Variants in PCSK5 observed in about 807,000 individuals in gnomAD.
The protein encoded by PCSK5 is prohormone convertase 5.
A neutral mutation model predicts 233.2 loss-of-function variants in PCSK5; 129 were observed. That is an observed-to-expected ratio of 0.55 (90% confidence interval 0.48 to 0.64). PCSK5 has a LOEUF of 0.64. PCSK5 is among the 30% of genes least tolerant of loss of function. PCSK5 has a pLI of 0.00. For synonymous variants in PCSK5, 825 were observed against 879.2 expected (o/e 0.94, Z 1.09); for missense variants, 2,076 against 2,430.1 (o/e 0.85, Z 3.06).
rs965065721 is a variant in PCSK5 at position 76,019,811 on chromosome 9, A to C, written c.412-3927A>C. The stretch of plus-strand genomic sequence containing the variant: ...TGTCTTTAAAATTTCATTCCTAAAA[A>C]AGTACAAGCTGATATGGATAAGAAA... On this transcript the variant is annotated intron_variant, in intron 3 of 37. Coordinates refer to ENST00000674117, the MANE Select transcript of PCSK5 (RefSeq NM_001372043.1). 4.6e-5 allele frequency among the ~76,000 whole-genome samples: 7 copies of C among 152,306 alleles called. No homozygotes were observed. The South Asian group carries it at 1.4e-3, about 32-fold the overall frequency.
chr9:76,259,440 C>T (rs1827093071), intron 24 of PCSK5, among the ~76,000 whole-genome samples: 1 of 141,626 alleles, frequency 7.1e-6, no homozygotes, highest in African/African-American at 2.7e-5. Context: ...CAGCCTCCCT[C>T]CCTCTCTGTC....
intron 1 of PCSK5, among the ~76,000 whole-genome samples, chr9:75,916,283 T>A (rs1247721144): frequency 6.6e-6 from 1 of 152,222 alleles, no homozygotes; most frequent in Non-Finnish European, 1.5e-5. Context: ...AAAATCTTGT[T>A]TCTTTCTCTT....
intron 9 of PCSK5, among the ~76,000 whole-genome samples, chr9:76,133,142 G>A (rs962862083): frequency 1.3e-5 from 2 of 152,040 alleles, no homozygotes; most frequent in African/African-American, 2.4e-5. Context: ...TATTGTTGCT[G>A]AAGTGAAGGT....
intron 22 of PCSK5, among the ~76,000 whole-genome samples, chr9:76,234,690 A>G (rs143176581): frequency 9.6e-4 from 147 of 152,332 alleles, no homozygotes; most frequent in Non-Finnish European, 1.7e-3. Flanking sequence ...TTACTTCTTT[A>G]AGAGTTTTTA....
chr9:76,191,437 T>TA (rs34314954), intron 20 of PCSK5, among the ~76,000 whole-genome samples: 7 of 150,196 alleles, frequency 4.7e-5, no homozygotes, highest in Middle Eastern at 3.4e-3. Flanking sequence ...CCACCATCTG[T>TA]AAAAAATGAA....
intron 9 of PCSK5, among the ~76,000 whole-genome samples, chr9:76,118,205 C>T (rs1362343120): frequency 6.6e-6 from 1 of 152,028 alleles, no homozygotes; most frequent in African/African-American, 2.4e-5. Context: ...GCCCAGAAAC[C>T]ATCTGGCCTG....
intron 5 of PCSK5, among the ~76,000 whole-genome samples, chr9:76,051,254 G>C (rs1316032237): frequency 2.6e-5 from 4 of 152,046 alleles, no homozygotes; most frequent in Non-Finnish European, 5.9e-5. Context: ...TTAAACCAAA[G>C]TAATTTTTCC....
At chr9:76,332,783 G>C (rs78093953) in intron 34 of PCSK5, among the ~76,000 whole-genome samples, 173 bp downstream of exon 34, 2,629 of 152,322 alleles carry the variant, frequency 0.017, 32 homozygotes, top group Non-Finnish European at 0.025. Context: ...AAACAGGAGA[G>C]GCAGAGTGAC....
intron 9 of PCSK5, among the ~76,000 whole-genome samples, chr9:76,130,539 G>A (rs1298723734): frequency 2.6e-5 from 4 of 152,034 alleles, no homozygotes; most frequent in Non-Finnish European, 2.9e-5. Context: ...TGTTACCCAC[G>A]TCATGTGATT....
intron 2 of PCSK5, among the ~76,000 whole-genome samples, chr9:75,950,105 C>G (rs981083568): frequency 6.0e-4 from 81 of 134,048 alleles, no homozygotes; most frequent in Middle Eastern, 4.0e-3. Flanking sequence ...TATACCGGAC[C>G]CTTAAACCTT....
At chr9:76,236,827 G>T (rs1174839104) in intron 22 of PCSK5, among the ~76,000 whole-genome samples, 1 of 152,166 alleles carries the variant, frequency 6.6e-6, no homozygotes, top group Non-Finnish European at 1.5e-5. Context: ...CAATAAAAAT[G>T]GGATTGAAGA....
Position 76,296,777 on chromosome 9 carries a change from G to GT in PCSK5, c.3436dup (p.Cys1146LeufsTer30). The GT allele has an allele frequency of 6.2e-7, 1 of 1,612,100 alleles. No homozygotes were observed. The highest frequency in any genetic ancestry group is 1.1e-5 in the South Asian group (1 of 91,058). ...CCTGCACAGGCCCTGGTCATGACGA[G>GT]TGCAGCAGCTGCCAGGAAGGACTGC... is the stretch of plus-strand genomic sequence containing the variant. On this transcript the variant is annotated frameshift_variant, in exon 27 of 38. Coordinates refer to ENST00000674117, the MANE Select transcript of PCSK5 (RefSeq NM_001372043.1). LOFTEE classifies it high-confidence loss of function.
chr9:76,172,011 C>G (rs1358036544), intron 13 of PCSK5, among the ~76,000 whole-genome samples: 1 of 152,042 alleles, frequency 6.6e-6, no homozygotes, highest in Admixed American at 6.6e-5. Flanking sequence ...GTTTCTTCCT[C>G]TCTGATTAAT....
intron 9 of PCSK5, among the ~76,000 whole-genome samples, chr9:76,112,097 C>T (rs186386117): frequency 6.6e-6 from 1 of 152,016 alleles, no homozygotes; most frequent in African/African-American, 2.4e-5. Flanking sequence ...TCAGAAAATA[C>T]AAAAATTAAG....
At chr9:76,225,995 G>A (rs1365911203) in intron 20 of PCSK5, among the ~76,000 whole-genome samples, 2 of 152,240 alleles carry the variant, frequency 1.3e-5, no homozygotes, top group South Asian at 2.1e-4. Flanking sequence ...ACTCTTTTGG[G>A]CCTAGGTCTC....
chr9:76,147,473 T>C (rs1823486158), intron 10 of PCSK5, among the ~76,000 whole-genome samples: 1 of 152,170 alleles, frequency 6.6e-6, no homozygotes, highest in South Asian at 2.1e-4. Context: ...CCATCCCTAA[T>C]AACCTAAGTG....
intron 2 of PCSK5, among the ~76,000 whole-genome samples, chr9:75,963,511 G>A (rs879362966): frequency 1.3e-5 from 2 of 152,210 alleles, no homozygotes; most frequent in Non-Finnish European, 2.9e-5. Context: ...TTAAAGAGGT[G>A]TAGACTTCAT....
At chr9:75,939,967 C>T (rs1048210623) in intron 2 of PCSK5, among the ~76,000 whole-genome samples, 4 of 152,180 alleles carry the variant, frequency 2.6e-5, no homozygotes, top group Admixed American at 6.5e-5. Context: ...TGTGTGGCTG[C>T]GTTTCTCACT....
At chr9:76,325,570 T>C (rs996554022) in intron 32 of PCSK5, among the ~76,000 whole-genome samples, 2 of 152,208 alleles carry the variant, frequency 1.3e-5, no homozygotes, top group Non-Finnish European at 2.9e-5. Context: ...AAGCACTTGC[T>C]CAATGTGACC....
Sources: gnomAD v4.1 joint callset for allele counts (sites outside exome capture counted in the v4.1 genomes callset) on GRCh38, gnomAD v4.1.1 for gene constraint, MANE v1.5 for transcripts, NCBI Gene and HGNC (gene_info 2026-07-23, HGNC 2026-07-21) for gene names.